Variants in FLVCR1 observed in about 807,000 individuals in gnomAD.
FLVCR1 encodes FLVCR choline and heme transporter 1, also known as choline/ethanolamine transporter FLVCR1.
A neutral mutation model predicts 53.6 loss-of-function variants in FLVCR1; 34 were observed. The ratio of observed to expected loss-of-function variants is 0.63; its 90% CI spans 0.48 to 0.84. The LOEUF (loss-of-function observed/expected upper bound fraction) is 0.84. Among genes scored for constraint, FLVCR1 ranks in the 40% least tolerant of loss-of-function variants. The probability of loss-of-function intolerance (pLI) is 0.00; values close to 1 mark genes in which losing one functional copy is unlikely to be tolerated. For synonymous variants in FLVCR1, 300 were observed against 286.3 expected (o/e 1.05, Z -0.48); for missense variants, 677 against 696.7 (o/e 0.97, Z 0.32).
chr1:212,888,049 T>A, intron 6 of FLVCR1, 48 bp downstream of exon 6: 1 of 1,084,142 alleles, frequency 9.2e-7, no homozygotes, highest in Non-Finnish European at 1.4e-6. Flanking sequence ...CTGTTATAAT[T>A]CTGAAGTATT....
chr1:212,871,405 T>C (rs913283742), intron 2 of FLVCR1, among the ~76,000 whole-genome samples: 1 of 152,160 alleles, frequency 6.6e-6, no homozygotes, highest in Non-Finnish European at 1.5e-5. Context: ...TTTTTGTGTT[T>C]TTTGTTTGTT....
chr1:212,885,223 G>A, intron 4 of FLVCR1, 70 bp from the exon 5 acceptor site: 2 of 1,014,602 alleles, frequency 2.0e-6, no homozygotes, highest in South Asian at 1.3e-5. Flanking sequence ...ATGAAAAGGT[G>A]TGGGAATGTG....
intron 8 of FLVCR1, 68 bp from the exon 9 acceptor site, chr1:212,894,918 C>T: frequency 9.7e-7 from 1 of 1,031,064 alleles, no homozygotes; most frequent in Non-Finnish European, 1.5e-6. Context: ...CCAAGAAAGA[C>T]TTTGAGCTGC....
chr1:212,872,282 C>T (rs1345269301), intron 2 of FLVCR1, among the ~76,000 whole-genome samples: 2 of 152,054 alleles, frequency 1.3e-5, no homozygotes, highest in Non-Finnish European at 2.9e-5. Flanking sequence ...GCCCAGCCTT[C>T]ATGTTTATCT....
At chr1:212,868,512 C>T (rs1664508865) in intron 2 of FLVCR1, among the ~76,000 whole-genome samples, 1 of 152,228 alleles carries the variant, frequency 6.6e-6, no homozygotes, top group South Asian at 2.1e-4. Context: ...CTCCCGGATT[C>T]AAGCCATTCT....
intron 1 of FLVCR1, 111 bp downstream of exon 1, chr1:212,859,301 A>G (rs913728550): frequency 4.6e-6 from 7 of 1,516,990 alleles, no homozygotes; most frequent in South Asian, 2.3e-5. Context: ...GTATTTGTCT[A>G]TAAAAGAGGA....
chr1:212,875,246 G>C (rs1372902617), intron 3 of FLVCR1, among the ~76,000 whole-genome samples: 5 of 152,148 alleles, frequency 3.3e-5, no homozygotes, highest in Non-Finnish European at 5.9e-5. Context: ...ATAAACATCT[G>C]AAAAGTAACA....
intron 2 of FLVCR1, among the ~76,000 whole-genome samples, chr1:212,867,075 C>A (rs925082406): frequency 1.3e-5 from 2 of 152,180 alleles, no homozygotes; most frequent in African/African-American, 4.8e-5. Context: ...GGAAGTCCCA[C>A]CACGTCCTCA....
At chr1:212,885,866 C>T (rs1447443435) in intron 5 of FLVCR1, among the ~76,000 whole-genome samples, 1 of 151,628 alleles carries the variant, frequency 6.6e-6, no homozygotes, top group Non-Finnish European at 1.5e-5. Context: ...TGTTTCAATA[C>T]TCTATGTATT....
chr1:212,866,341 G>A (rs887370914), intron 2 of FLVCR1, among the ~76,000 whole-genome samples: 1 of 151,876 alleles, frequency 6.6e-6, no homozygotes, highest in African/African-American at 2.4e-5. Context: ...GTCTGGTCTC[G>A]AACTCCTGAC....
intron 2 of FLVCR1, among the ~76,000 whole-genome samples, chr1:212,868,374 T>C (rs1341204746): frequency 6.6e-6 from 1 of 151,576 alleles, no homozygotes; most frequent in African/African-American, 2.4e-5. Flanking sequence ...CATGCCCAGC[T>C]GCTTTTGATT....
Position 212,859,107 on chromosome 1 carries a change from G to T in FLVCR1, c.655G>T (p.Gly219Cys), listed in dbSNP as rs752733357. Residue 219 changes from glycine to cysteine, a missense_variant, in exon 1 of 10, where the codon GGC becomes TGC. Physicochemically the swap from Gly to Cys is radical, Grantham distance 159. Coordinates refer to ENST00000366971, the MANE Select transcript of FLVCR1 (RefSeq NM_014053.4). The stretch of plus-strand genomic sequence containing the variant: ...CTCGGTGGCCCAGGTGTTCATCCTG[G>T]GCTTGCCCTCCCGCATCGCCTCAGT... ...LCSVAQVFILGLPSRIASVWF... is the reference protein window; with the variant it reads ...LCSVAQVFILCLPSRIASVWF... 3 of 1,613,874 alleles carry T rather than the reference G, an allele frequency of 1.9e-6. No individual in the cohort carries two copies. In the South Asian group the frequency reaches 3.3e-5, roughly 18 times the overall value.
rs1051165077 is a variant in FLVCR1, at chr1:212,863,764, G to A, written c.778G>A (p.Val260Ile). The change falls in exon 2 of 10, where the codon GTA (valine) becomes ATA (isoleucine). Residue 260 changes from valine to isoleucine, a missense_variant. By Grantham distance (29) the Val-to-Ile change is conservative. Coordinates refer to ENST00000366971, the MANE Select transcript of FLVCR1 (RefSeq NM_014053.4). ...TGGCTTTTTGCTACCACCAGTTTTA[G>A]TACCCAACACACAGAATGACACAAA... Reference protein sequence around the residue: ...AVGFLLPPVLVPNTQNDTNLL... With the variant: ...AVGFLLPPVLIPNTQNDTNLL... 1 of 1,613,946 alleles carries A rather than the reference G, an allele frequency of 6.2e-7. No homozygotes were observed. Among genetic ancestry groups the A allele is most frequent in the Non-Finnish European group, 8.5e-7 (1 of 1,179,922 alleles).
intron 8 of FLVCR1, among the ~76,000 whole-genome samples, chr1:212,893,065 TGGG>T (rs71495079): frequency 9.8e-5 from 14 of 142,404 alleles, no homozygotes; most frequent in Non-Finnish European, 4.6e-5. Flanking sequence ...TCTTTTTTTT[TGGG>T]GGGGGGTGCC....
intron 2 of FLVCR1, among the ~76,000 whole-genome samples, chr1:212,868,678 G>T (rs1166241291): frequency 6.6e-6 from 1 of 152,118 alleles, no homozygotes; most frequent in African/African-American, 2.4e-5. Flanking sequence ...CAAAGTGCTG[G>T]GATTATAGGC....
In FLVCR1 at chr1:212,889,277, T is replaced by G. The variant is rs1558121111; in HGVS notation, c.1525+20T>G. ...TAACAGGTAAATTAGGGCGTTTGCC[T>G]GGCAAAAGGACTTGTGTCATGTGTT... On this transcript the variant is annotated intron_variant, in intron 8 of 9. Coordinates refer to ENST00000366971, the MANE Select transcript of FLVCR1 (RefSeq NM_014053.4). The G allele has an allele frequency of 6.9e-7, 1 of 1,456,644 alleles. No individual in the cohort carries two copies. Among genetic ancestry groups the G allele is most frequent in the East Asian group, 2.3e-5 (1 of 44,048 alleles). The allele number at this position is 1,456,644 out of a possible 1,614,324, so 90.2% of individuals were successfully genotyped here.
intron 3 of FLVCR1, among the ~76,000 whole-genome samples, chr1:212,880,143 C>T (rs1019665442): frequency 3.9e-5 from 6 of 152,136 alleles, no homozygotes; most frequent in Admixed American, 2.6e-4. Flanking sequence ...CAGCGTGGTC[C>T]ACGTGCATTC....
intron 1 of FLVCR1, among the ~76,000 whole-genome samples, chr1:212,859,727 T>C (rs1054753983): frequency 1.4e-5 from 2 of 147,514 alleles, no homozygotes; most frequent in African/African-American, 4.9e-5. Context: ...CAAATAATAA[T>C]AATAAACTGT....
At chr1:212,889,092 C>CT in intron 7 of FLVCR1, 54 bp from the exon 8 acceptor site, 1 of 1,270,520 alleles carries the variant, frequency 7.9e-7, no homozygotes, top group South Asian at 1.2e-5. Context: ...AAACTTTATA[C>CT]TTGCTTTAAA....
Sources: gnomAD v4.1 joint callset for allele counts (sites outside exome capture counted in the v4.1 genomes callset) on GRCh38, gnomAD v4.1.1 for gene constraint, MANE v1.5 for transcripts, NCBI Gene and HGNC (gene_info 2026-07-23, HGNC 2026-07-21) for gene names.